LRMDA: variants seen among roughly 807,000 people sequenced by gnomAD.
LRMDA encodes the protein leucine rich melanocyte differentiation associated.
LRMDA carries 18 observed loss-of-function variants against 29.8 expected under a neutral mutation model. That is an observed-to-expected ratio of 0.60 (90% CI 0.42 to 0.90). The LOEUF (loss-of-function observed/expected upper bound fraction) is 0.90, where lower values mean the gene tolerates loss of function less well. Ranked by LOEUF, LRMDA falls within the 40% of genes least tolerant of loss-of-function variation. The pLI is 0.00. For missense variants in LRMDA, 273 were observed against 273.9 expected (o/e 1.00, Z 0.02); for synonymous variants, 125 against 109.4 (o/e 1.14, Z -0.89).
At chr10:75,473,593 G>T (rs952610411) in intron 2 of LRMDA, among the ~76,000 whole-genome samples, 2 of 152,240 alleles carry the variant, frequency 1.3e-5, no homozygotes, top group African/African-American at 4.8e-5. Context: ...TCCAAAGGCA[G>T]ACTGCTCAGG....
At chr10:75,612,772 A>G (rs2068855644) in intron 2 of LRMDA, among the ~76,000 whole-genome samples, 1 of 151,628 alleles carries the variant, frequency 6.6e-6, no homozygotes. Flanking sequence ...TAGAGAAAAT[A>G]TTGATGCAGA....
intron 5 of LRMDA, among the ~76,000 whole-genome samples, chr10:76,075,944 G>A (rs973752467): frequency 6.6e-6 from 1 of 152,058 alleles, no homozygotes; most frequent in African/African-American, 2.4e-5. Flanking sequence ...TTTAAAATGA[G>A]GTTAATAAAA....
chr10:76,425,413 T>A (rs1489438469), intron 6 of LRMDA, among the ~76,000 whole-genome samples: 3 of 151,960 alleles, frequency 2.0e-5, no homozygotes, highest in Non-Finnish European at 2.9e-5. Context: ...CCCAACTCAG[T>A]CATTTATTGA....
chr10:75,469,650 G>A (rs1245472894), intron 2 of LRMDA, among the ~76,000 whole-genome samples: 2 of 152,120 alleles, frequency 1.3e-5, no homozygotes, highest in Non-Finnish European at 2.9e-5. Context: ...GTGGGCAGTG[G>A]AAGAGGATGG....
At chr10:76,369,253 C>G (rs1841426393) in intron 6 of LRMDA, among the ~76,000 whole-genome samples, 1 of 152,078 alleles carries the variant, frequency 6.6e-6, no homozygotes, top group Non-Finnish European at 1.5e-5. Flanking sequence ...TGATGTGCTT[C>G]CAGGATTTGG....
chr10:76,173,956 G>T (rs866611721), intron 5 of LRMDA, among the ~76,000 whole-genome samples: 50 of 152,274 alleles, frequency 3.3e-4, no homozygotes, highest in African/African-American at 1.2e-3. Context: ...CACTGCATCT[G>T]GCCTGCCATA....
intron 2 of LRMDA, among the ~76,000 whole-genome samples, chr10:75,770,437 C>A (rs1317904514): frequency 1.3e-5 from 2 of 152,118 alleles, no homozygotes; most frequent in Non-Finnish European, 2.9e-5. Flanking sequence ...ATATGTATTT[C>A]ACCATAATTT....
At chr10:75,544,056 T>C (rs1236803104) in intron 2 of LRMDA, among the ~76,000 whole-genome samples, 3 of 152,170 alleles carry the variant, frequency 2.0e-5, no homozygotes, top group African/African-American at 4.8e-5. Flanking sequence ...AGGGACATCC[T>C]TAAAAACTCA....
intron 5 of LRMDA, among the ~76,000 whole-genome samples, chr10:76,156,607 A>G (rs1036040070): frequency 2.6e-5 from 4 of 152,104 alleles, no homozygotes; most frequent in African/African-American, 2.4e-5. Flanking sequence ...GACCAACTCC[A>G]TGCCTGGCAG....
chr10:75,583,809 C>A (rs908747437), intron 2 of LRMDA, among the ~76,000 whole-genome samples: 3 of 152,180 alleles, frequency 2.0e-5, no homozygotes, highest in African/African-American at 7.2e-5. Context: ...AATTTTACCA[C>A]CTAAACAGTT....
In LRMDA at chr10:76,390,027, T is replaced by C. The variant is rs556454401; in HGVS notation, c.601+65542T>C. On this transcript the variant is annotated intron_variant, in intron 6 of 6. Transcript: ENST00000611255. ...ATACAGATTTAAAATGGCCAGATTA[T>C]GTAGTAATTTTATTTTTAATTTCTT... Among the ~76,000 whole-genome samples, 3 of 152,324 alleles carry C rather than the reference T, an allele frequency of 2.0e-5. No individual in the cohort carries two copies. In the East Asian group the frequency reaches 5.8e-4, roughly 29 times the overall value.
intron 2 of LRMDA, among the ~76,000 whole-genome samples, chr10:75,858,763 T>C (rs192958781): frequency 1.4e-4 from 22 of 152,334 alleles, no homozygotes; most frequent in African/African-American, 4.8e-4. Context: ...TTTTTATGCA[T>C]TGAAAATTAA....
intron 5 of LRMDA, among the ~76,000 whole-genome samples, chr10:76,239,804 C>A (rs1852237055): frequency 6.6e-6 from 1 of 151,834 alleles, no homozygotes; most frequent in South Asian, 2.1e-4. Flanking sequence ...TGTATACTTC[C>A]TATTGCATTA....
chr10:76,470,369 A>G (rs949235013), intron 6 of LRMDA: 1 of 152,130 alleles, frequency 6.6e-6, no homozygotes. Flanking sequence ...TGGAATTACC[A>G]TATAATCTAG....
intron 6 of LRMDA, among the ~76,000 whole-genome samples, chr10:76,339,333 A>G (rs1215020137): frequency 6.6e-6 from 1 of 151,868 alleles, no homozygotes; most frequent in East Asian, 1.9e-4. Context: ...AATTAGAAAT[A>G]AATGAAGTTT....
rs1842424213 is a variant in LRMDA, at chr10:75,710,600, T to C, written c.131+272106T>C. Among the ~76,000 whole-genome samples, 7 of 152,206 alleles carry C rather than the reference T, an allele frequency of 4.6e-5. No individual in the cohort carries two copies. The South Asian group carries it at 1.4e-3, about 32-fold the overall frequency. On this transcript the variant is annotated intron_variant, in intron 2 of 6. Coordinates refer to ENST00000611255, the MANE Select transcript of LRMDA (RefSeq NM_001305581.2). ...GCAGAGGAGACTTTTTGCTGCTGCC[T>C]TTTTCCCCCCGCTTCCCCTGGTCTC...
chr10:75,918,612 C>A (rs1589253071), intron 2 of LRMDA, among the ~76,000 whole-genome samples: 1 of 152,128 alleles, frequency 6.6e-6, no homozygotes, highest in Non-Finnish European at 1.5e-5. Flanking sequence ...GGATTACGAT[C>A]CAACATGAGA....
chr10:75,560,153 TC>T (rs1158207485), intron 2 of LRMDA, among the ~76,000 whole-genome samples: 2 of 151,752 alleles, frequency 1.3e-5, no homozygotes, highest in Non-Finnish European at 2.9e-5. Context: ...TATTGATTCT[TC>T]CTACCCATGA....
intron 5 of LRMDA, among the ~76,000 whole-genome samples, chr10:76,230,019 C>A (rs867009391): frequency 6.6e-6 from 1 of 151,998 alleles, no homozygotes; most frequent in African/African-American, 2.4e-5. Flanking sequence ...ATTATTTTAG[C>A]GAGGCAGTGT....
Sources: allele counts gnomAD v4.1 joint callset (sites outside exome capture counted in the v4.1 genomes callset), GRCh38; gene constraint gnomAD v4.1.1; transcripts MANE v1.5; gene names NCBI Gene and HGNC (gene_info 2026-07-23, HGNC 2026-07-21).